CACNB4: variants seen among roughly 807,000 people sequenced by gnomAD.
The protein encoded by CACNB4 is calcium voltage-gated channel auxiliary subunit beta 4, also known as voltage-dependent L-type calcium channel subunit beta-4.
Under a neutral mutation model 71.2 loss-of-function variants are expected in CACNB4, and 32 were observed. The observed-to-expected ratio is 0.45, with a 90% CI of 0.34 to 0.60. The LOEUF is 0.60. Among genes scored for constraint, CACNB4 ranks in the 20% least tolerant of loss-of-function variants. CACNB4 has a pLI of 0.01. For synonymous variants in CACNB4, 231 were observed against 236.9 expected, an observed-to-expected ratio of 0.97 and a Z score of 0.23; for missense variants, 464 against 647.9, an observed-to-expected ratio of 0.72 and a Z score of 3.08.
intron 2 of CACNB4, among the ~76,000 whole-genome samples, chr2:152,049,936 G>A (rs184751113): frequency 5.3e-5 from 8 of 152,328 alleles, no homozygotes; most frequent in East Asian, 3.9e-4. Context: ...CAAATGTGTC[G>A]ACTTGTCTGC....
intron 9 of CACNB4, among the ~76,000 whole-genome samples, chr2:151,862,193 C>A (rs1237872353): frequency 1.3e-5 from 2 of 152,164 alleles, no homozygotes; most frequent in African/African-American, 4.8e-5. Flanking sequence ...GTAGAATTAT[C>A]AATTACTGAA....
intron 2 of CACNB4, among the ~76,000 whole-genome samples, chr2:151,990,507 G>A (rs748946149): frequency 6.6e-6 from 1 of 152,138 alleles, no homozygotes; most frequent in Non-Finnish European, 1.5e-5. Flanking sequence ...CCTCACTCAG[G>A]CAACAATGTG....
intron 2 of CACNB4, among the ~76,000 whole-genome samples, chr2:151,996,191 A>G (rs1343859677): frequency 1.3e-5 from 2 of 152,246 alleles, no homozygotes; most frequent in Admixed American, 1.3e-4. Flanking sequence ...ACTACTGGCT[A>G]GCTTGGAAAC....
chr2:152,025,927 CTG>C (rs751565459), intron 2 of CACNB4, among the ~76,000 whole-genome samples: 13 of 152,210 alleles, frequency 8.5e-5, no homozygotes, highest in Non-Finnish European at 1.6e-4. Context: ...CTGTGAAGAG[CTG>C]TGTTTGCAGC....
intron 2 of CACNB4, among the ~76,000 whole-genome samples, chr2:151,975,350 C>T (rs1417186704): frequency 2.0e-5 from 3 of 152,204 alleles, no homozygotes; most frequent in Non-Finnish European, 4.4e-5. Context: ...ATAGTTCTTC[C>T]AGGTCTGTGC....
chr2:152,011,519 C>T (rs2105066435), intron 2 of CACNB4, among the ~76,000 whole-genome samples: 1 of 152,332 alleles, frequency 6.6e-6, no homozygotes, highest in South Asian at 2.1e-4. Flanking sequence ...CCTCATAGAA[C>T]CCTGCCGTCC....
chr2:152,098,696 G>A lies in CACNB4; in HGVS notation c.63+253C>T. The A allele has an allele frequency of 1.9e-6, 3 of 1,561,718 alleles. No individual in the cohort carries two copies. Among genetic ancestry groups the A allele is most frequent in the Non-Finnish European group, 2.6e-6 (3 of 1,152,962 alleles). ...GGGGTCCGAGTCCCCGGCATCCGCT[G>A]GGGGAGGCTGCGGGCTCCGGAGCGG... On this transcript the variant is annotated intron_variant, in intron 1 of 13. Coordinates refer to ENST00000539935, the MANE Select transcript of CACNB4 (RefSeq NM_000726.5). This position sits in a 1 kb window ranked among gnomAD's most constrained non-coding sequence, Gnocchi z 5.3.
intron 8 of CACNB4, chr2:151,869,480 C>A (rs542185162): frequency 8.3e-6 from 3 of 359,884 alleles, no homozygotes; most frequent in Non-Finnish European, 1.5e-5. Flanking sequence ...TCACCAGACC[C>A]TCTTCCCTCT....
At chr2:151,930,468 T>A (rs1490130661) in intron 2 of CACNB4, among the ~76,000 whole-genome samples, 2 of 152,202 alleles carry the variant, frequency 1.3e-5, no homozygotes, top group African/African-American at 4.8e-5. Flanking sequence ...AAATCATGAA[T>A]GAATTTGTCA....
chr2:151,855,540 G>A (rs2099840064), intron 10 of CACNB4, among the ~76,000 whole-genome samples, 165 bp from the exon 11 acceptor site: 1 of 152,204 alleles, frequency 6.6e-6, no homozygotes, highest in African/African-American at 2.4e-5. Context: ...TATAGACAGA[G>A]ATGGGTTGAG....
chr2:151,978,393 C>T (rs1455254899), intron 2 of CACNB4, among the ~76,000 whole-genome samples: 2 of 152,100 alleles, frequency 1.3e-5, no homozygotes, highest in African/African-American at 4.8e-5. Context: ...GCCCCATGCA[C>T]CCCATGTGAA....
At chr2:152,081,539 G>C (rs138360540) in intron 2 of CACNB4, among the ~76,000 whole-genome samples, 1 of 151,968 alleles carries the variant, frequency 6.6e-6, no homozygotes, top group African/African-American at 2.4e-5. Context: ...CTTAGTAAGG[G>C]CCCTTTTCCT....
At chr2:151,882,181 CTTTTTTTTTTTT>C (rs35206904) in intron 3 of CACNB4, among the ~76,000 whole-genome samples, 9 of 50,840 alleles carry the variant, frequency 1.8e-4, no homozygotes, top group Non-Finnish European at 2.6e-4. Flanking sequence ...ACCGGCCCCT[CTTTTTTTTTTTT>C]TTTTTTTTTT....
chr2:151,861,864 G>T, intron 9 of CACNB4: 1 of 113,526 alleles, frequency 8.8e-6, no homozygotes. Context: ...AAAAACTGAA[G>T]AATAAAGCAA....
intron 2 of CACNB4, among the ~76,000 whole-genome samples, chr2:152,075,607 C>T (rs1224588365): frequency 6.6e-6 from 1 of 152,180 alleles, no homozygotes; most frequent in Non-Finnish European, 1.5e-5. Flanking sequence ...CTGACTTTCC[C>T]ACGTTTGACT....
At chr2:152,035,630 C>CCTCTCTCTCTCTCTCTCT (rs369495604) in intron 2 of CACNB4, among the ~76,000 whole-genome samples, 3 of 93,288 alleles carry the variant, frequency 3.2e-5, no homozygotes, top group African/African-American at 1.3e-4. Flanking sequence ...CCTCCCTCTC[C>CCTCTCTCTCTCTCTCTCT]CTCTCTCTCT....
chr2:151,926,294 AAAG>A (rs2099860242), intron 2 of CACNB4, among the ~76,000 whole-genome samples: 1 of 152,308 alleles, frequency 6.6e-6, no homozygotes, highest in African/African-American at 2.4e-5. Flanking sequence ...GAAGAAAAGT[AAAG>A]AAGAATGATC....
chr2:151,997,000 G>T (rs1000079163), intron 2 of CACNB4, among the ~76,000 whole-genome samples: 1 of 152,092 alleles, frequency 6.6e-6, no homozygotes. Context: ...TACATCACAG[G>T]GTATAAGGGC....
intron 2 of CACNB4, among the ~76,000 whole-genome samples, chr2:152,062,420 T>C (rs578167403): frequency 4.6e-4 from 70 of 152,302 alleles, no homozygotes; most frequent in Non-Finnish European, 7.2e-4. Context: ...TGATCCAGTC[T>C]CTCTATGTAC....
Sources: gnomAD v4.1 joint callset for allele counts (sites outside exome capture counted in the v4.1 genomes callset) on GRCh38, gnomAD v4.1.1 for gene constraint, Gnocchi (gnomAD v3.1) non-coding constraint, MANE v1.5 for transcripts, NCBI Gene and HGNC (gene_info 2026-07-23, HGNC 2026-07-21) for gene names.